MYOM1: variants seen among roughly 807,000 people sequenced by gnomAD.
MYOM1 encodes myomesin-1.
MYOM1 carries 164 observed loss-of-function variants against 205.3 expected under a neutral mutation model. The ratio of observed to expected loss-of-function variants is 0.80; its 90% confidence interval spans 0.70 to 0.91. MYOM1 has a LOEUF of 0.91. MYOM1 is among the 40% of genes least tolerant of loss of function. MYOM1 has a pLI of 0.00. For missense variants in MYOM1, 2,011 were observed against 2,127.3 expected (o/e 0.95, Z 1.08); for synonymous variants, 772 against 789.4 (o/e 0.98, Z 0.37).
chr18:3,110,515 T>A (rs1349659658), intron 22 of MYOM1, among the ~76,000 whole-genome samples: 1 of 152,206 alleles, frequency 6.6e-6, no homozygotes, highest in African/African-American at 2.4e-5. Flanking sequence ...AACATGCTAG[T>A]CATTCATTAT....
rs975243252 is a variant in MYOM1, at chr18:3,173,105, G to GT, written c.1174+832dup. The stretch of plus-strand genomic sequence containing the variant: ...GACTACCTTTTTTAGTCTGACCACT[G>GT]TAAGTATATAATTATTTCAACAACC... On this transcript the variant is annotated intron_variant, in intron 8 of 37. Coordinates refer to ENST00000356443, the MANE Select transcript of MYOM1 (RefSeq NM_003803.4). 7.6e-4 allele frequency among the ~76,000 whole-genome samples: 115 copies of GT among 152,262 alleles called. 2 individuals carry two copies. Among genetic ancestry groups the GT allele is most frequent in the African/African-American group, 2.4e-3 (101 of 41,542 alleles).
At chr18:3,201,779 G>A (rs1191253259) in intron 2 of MYOM1, among the ~76,000 whole-genome samples, 5 of 151,782 alleles carry the variant, frequency 3.3e-5, no homozygotes, top group African/African-American at 1.2e-4. Flanking sequence ...AAGTAGTTGG[G>A]ACTACAGGCA....
In MYOM1 at chr18:3,100,194, C is replaced by A; in HGVS notation, c.3692G>T (p.Arg1231Leu). Reference protein sequence around the residue: ...SYLIDEEELKRLLALSHEHKF... With the variant: ...SYLIDEEELKLLLALSHEHKF... Reference sequence around the variant, plus strand: ...GTGTTCATGGCTGAGAGCAAGTAAACGTTTCAATTCTGTAGGGGGAAAAAG... The same window carrying A: ...GTGTTCATGGCTGAGAGCAAGTAAAAGTTTCAATTCTGTAGGGGGAAAAAG... Residue 1231 changes from arginine to leucine, a missense_variant, in exon 25 of 38, where the codon CGT (arginine) becomes CTT (leucine). Transcript: ENST00000356443. The A allele has an allele frequency of 1.9e-6, 3 of 1,613,786 alleles. No individual in the cohort carries two copies. The highest frequency in any genetic ancestry group is 2.5e-6 in the Non-Finnish European group (3 of 1,179,848).
chr18:3,153,010 T>G (rs1447784491), intron 11 of MYOM1, among the ~76,000 whole-genome samples: 1 of 152,130 alleles, frequency 6.6e-6, no homozygotes, highest in East Asian at 1.9e-4. Flanking sequence ...CTGGAGCTGC[T>G]AGGGGTTTGG....
intron 2 of MYOM1, among the ~76,000 whole-genome samples, chr18:3,197,734 A>G (rs113241548): frequency 0.066 from 9,993 of 150,548 alleles, 546 homozygotes; most frequent in African/African-American, 0.14. Context: ...TTAGCTGGGC[A>G]TGGTGGCAGG....
chr18:3,206,195 T>C (rs1382382874), intron 2 of MYOM1, among the ~76,000 whole-genome samples: 2 of 152,352 alleles, frequency 1.3e-5, no homozygotes, highest in East Asian at 3.9e-4. Context: ...AATGCTGACT[T>C]ATCTATGTGT....
chr18:3,154,820 T>C, intron 11 of MYOM1, 127 bp downstream of exon 11: 1 of 996,424 alleles, frequency 1.0e-6, no homozygotes, highest in Non-Finnish European at 1.5e-6. Flanking sequence ...TGAAGAGAGA[T>C]ACAGAAATAG....
intron 37 of MYOM1, among the ~76,000 whole-genome samples, chr18:3,071,453 G>T (rs1364962905): frequency 6.6e-6 from 1 of 152,154 alleles, no homozygotes; most frequent in Non-Finnish European, 1.5e-5. Context: ...CCACCTCCCA[G>T]GTTCAAGCAA....
At chr18:3,115,389 C>A (rs900408386) in intron 21 of MYOM1, among the ~76,000 whole-genome samples, 7 of 152,112 alleles carry the variant, frequency 4.6e-5, no homozygotes, top group African/African-American at 1.7e-4. Context: ...AATACCCTAA[C>A]CCTGGAGAGT....
intron 13 of MYOM1, among the ~76,000 whole-genome samples, chr18:3,144,473 A>AACCAT (rs1215064795): frequency 6.6e-6 from 1 of 152,244 alleles, no homozygotes; most frequent in Non-Finnish European, 1.5e-5. Flanking sequence ...ATTTAAATCC[A>AACCAT]ACCATATCAA....
chr18:3,215,190 G>C lies in MYOM1; in HGVS notation c.34C>G (p.His12Asp). Reference protein sequence around the residue: ...SLPFYQRCHQHYDLSYRNKDV... With the variant: ...SLPFYQRCHQDYDLSYRNKDV... Reference sequence around the variant, plus strand: ...TTGTTGCGGTAGCTGAGATCATAGTGCTGGTGGCACCTCTGATAAAAAGGC... The same window carrying C: ...TTGTTGCGGTAGCTGAGATCATAGTCCTGGTGGCACCTCTGATAAAAAGGC... Residue 12 changes from histidine to aspartate, a missense_variant, in exon 2 of 38, where the codon CAC (histidine) becomes GAC (aspartate). By Grantham distance (81) the His-to-Asp change is moderately conservative (BLOSUM62 -1). Coordinates refer to ENST00000356443, the MANE Select transcript of MYOM1 (RefSeq NM_003803.4). 1 of 1,612,972 alleles carries C rather than the reference G, an allele frequency of 6.2e-7. No individual in the cohort carries two copies. The highest frequency in any genetic ancestry group is 8.5e-7 in the Non-Finnish European group (1 of 1,179,498).
chr18:3,089,203 C>T lies in MYOM1; in HGVS notation c.4108G>A (p.Gly1370Ser). 1 of 1,611,788 alleles carries T rather than the reference C, an allele frequency of 6.2e-7. No individual in the cohort carries two copies. The highest frequency in any genetic ancestry group is 8.5e-7 in the Non-Finnish European group (1 of 1,178,450). ...CATTTCAATAGTACATTACATTCAC[C>T]AGTCACTTCCCAGCTCAAATACTCA... ...FVEYLSWEVT[G>S]ECNVLLKCKV... Residue 1370 changes from glycine to serine, a missense_variant, in exon 29 of 38, where the codon GGT becomes AGT. Physicochemically the swap from Gly to Ser is moderately conservative, Grantham distance 56 (BLOSUM62 0). Transcript: ENST00000356443.
chr18:3,105,772 T>C (rs1019395758), intron 22 of MYOM1, among the ~76,000 whole-genome samples: 1 of 152,168 alleles, frequency 6.6e-6, no homozygotes, highest in African/African-American at 2.4e-5. Flanking sequence ...CAAGAATCGC[T>C]TGGACCTGAG....
intron 13 of MYOM1, among the ~76,000 whole-genome samples, chr18:3,144,390 C>CA (rs573682296): frequency 6.6e-6 from 1 of 151,426 alleles, no homozygotes; most frequent in Admixed American, 6.6e-5. Flanking sequence ...ATACTCAATC[C>CA]AAAAAAAGTA....
chr18:3,202,462 G>A (rs2081080668), intron 2 of MYOM1, among the ~76,000 whole-genome samples: 1 of 151,076 alleles, frequency 6.6e-6, no homozygotes, highest in Non-Finnish European at 1.5e-5. Flanking sequence ...TAAATTTAAA[G>A]ACACATTTGT....
intron 5 of MYOM1, among the ~76,000 whole-genome samples, chr18:3,177,974 C>T (rs2080672052): frequency 1.3e-5 from 2 of 152,170 alleles, no homozygotes; most frequent in African/African-American, 2.4e-5. Flanking sequence ...ACTACGCAGG[C>T]GGGCCTCTCC....
At chr18:3,157,716 T>TAAA (rs2080322944) in intron 10 of MYOM1, among the ~76,000 whole-genome samples, 1 of 146,334 alleles carries the variant, frequency 6.8e-6, no homozygotes, top group South Asian at 2.1e-4. Flanking sequence ...ATAATAATAA[T>TAAA]AATAATAATC....
rs528881815 is a variant in MYOM1, at chr18:3,143,424, T to C, written c.1901-1361A>G. ...AGATGGAAATCTGGATTTAAACAAA[T>C]AAATGAAAAGCAATGGAAATGATAA... On this transcript the variant is annotated intron_variant, in intron 13 of 37. Coordinates refer to ENST00000356443, the MANE Select transcript of MYOM1 (RefSeq NM_003803.4). Among the ~76,000 whole-genome samples, 3 of 152,236 alleles carry C rather than the reference T, an allele frequency of 2.0e-5. No individual in the cohort carries two copies. The East Asian group carries it at 5.8e-4, about 29-fold the overall frequency.
intron 35 of MYOM1, 65 bp from the exon 36 acceptor site, chr18:3,075,541 A>G: frequency 6.4e-7 from 1 of 1,551,058 alleles, no homozygotes; most frequent in Non-Finnish European, 8.9e-7. Context: ...CAAAGTAGCT[A>G]AACTTGACGA....
Sources: allele counts gnomAD v4.1 joint callset (sites outside exome capture counted in the v4.1 genomes callset), GRCh38; gene constraint gnomAD v4.1.1; transcripts MANE v1.5; gene names NCBI Gene and HGNC (gene_info 2026-07-23, HGNC 2026-07-21).